ASTN2: variants seen among roughly 807,000 people sequenced by gnomAD.
ASTN2 encodes astrotactin 2.
A neutral mutation model predicts 139.8 loss-of-function variants in ASTN2; 54 were observed. The observed-to-expected ratio is 0.39, with a 90% CI of 0.31 to 0.48. The LOEUF (loss-of-function observed/expected upper bound fraction) is 0.48, where lower values mean the gene tolerates loss of function less well. ASTN2 is among the 20% of genes least tolerant of loss of function. The pLI is 0.95. For synonymous variants in ASTN2, 756 were observed against 719.5 expected, an observed-to-expected ratio of 1.05 and a Z score of -0.81; for missense variants, 1,565 against 1,725.1, an observed-to-expected ratio of 0.91 and a Z score of 1.64.
intron 19 of ASTN2, among the ~76,000 whole-genome samples, chr9:116,529,532 T>C (rs538743874): frequency 1.1e-4 from 16 of 152,214 alleles, no homozygotes; most frequent in East Asian, 3.9e-4. Context: ...TGCTGGAATG[T>C]TGTGAAGGCA....
intron 3 of ASTN2, among the ~76,000 whole-genome samples, chr9:117,172,101 GT>G (rs1381138561): frequency 4.6e-5 from 7 of 152,108 alleles, no homozygotes; most frequent in African/African-American, 1.7e-4. Context: ...CCAGAGTACT[GT>G]TTACTTTTTA....
rs145124342 is a variant in ASTN2, at chr9:116,599,491, A to T, written c.3355+18833T>A. On this transcript the variant is annotated intron_variant, in intron 19 of 22. Coordinates refer to ENST00000313400, the MANE Select transcript of ASTN2 (RefSeq NM_001365068.1). ...TCTTACAGACAACATATATCATTTCATCTGTTGCTCACAACAATTCTGAGA... is the reference window on the plus strand; with the variant it reads ...TCTTACAGACAACATATATCATTTCTTCTGTTGCTCACAACAATTCTGAGA... 9.8e-5 allele frequency among the ~76,000 whole-genome samples: 15 copies of T among 152,358 alleles called. No homozygotes were observed. The East Asian group carries it at 2.7e-3, about 27-fold the overall frequency.
At chr9:116,523,500 T>C (rs1253277324) in intron 19 of ASTN2, among the ~76,000 whole-genome samples, 1 of 152,152 alleles carries the variant, frequency 6.6e-6, no homozygotes, top group Non-Finnish European at 1.5e-5. Flanking sequence ...TTACTAAACA[T>C]CTCTGAGCTT....
At chr9:117,251,878 C>A (rs77043004) in intron 2 of ASTN2, among the ~76,000 whole-genome samples, 1 of 152,122 alleles carries the variant, frequency 6.6e-6, no homozygotes, top group Non-Finnish European at 1.5e-5. Flanking sequence ...AGCCTGAAGC[C>A]TCAGGCAGAC....
chr9:116,544,082 G>A (rs1851990440), intron 19 of ASTN2, among the ~76,000 whole-genome samples: 1 of 152,188 alleles, frequency 6.6e-6, no homozygotes, highest in Non-Finnish European at 1.5e-5. Context: ...GGAATCGACT[G>A]CCAAAACGAC....
At chr9:116,456,808 T>C (rs1200795737) in intron 20 of ASTN2, among the ~76,000 whole-genome samples, 2 of 152,138 alleles carry the variant, frequency 1.3e-5, no homozygotes, top group Non-Finnish European at 2.9e-5. Context: ...GGTGGGGACA[T>C]GGCCAAACCA....
intron 19 of ASTN2, among the ~76,000 whole-genome samples, chr9:116,589,727 A>G (rs1205158644): frequency 6.6e-6 from 1 of 152,172 alleles, no homozygotes; most frequent in East Asian, 1.9e-4. Context: ...CTTTAGTTTT[A>G]TGTTTCATTC....
intron 12 of ASTN2, among the ~76,000 whole-genome samples, chr9:116,808,701 G>T (rs1685489969): frequency 6.6e-6 from 1 of 152,056 alleles, no homozygotes; most frequent in South Asian, 2.1e-4. Flanking sequence ...GAAATTGCTT[G>T]GTTAATGTTT....
chr9:116,795,708 C>A (rs537062777), intron 13 of ASTN2, among the ~76,000 whole-genome samples: 2 of 152,214 alleles, frequency 1.3e-5, no homozygotes, highest in South Asian at 2.1e-4. Flanking sequence ...TGAAAAAAAA[C>A]CCATCTTCAT....
intron 1 of ASTN2, among the ~76,000 whole-genome samples, chr9:117,335,955 G>A (rs1050193736): frequency 1.3e-5 from 2 of 150,864 alleles, no homozygotes; most frequent in African/African-American, 4.9e-5. Flanking sequence ...CACACATTTA[G>A]CAATGCTCAT....
chr9:116,965,246 G>A (rs1279195638), intron 10 of ASTN2, among the ~76,000 whole-genome samples: 1 of 152,190 alleles, frequency 6.6e-6, no homozygotes, highest in Non-Finnish European at 1.5e-5. Flanking sequence ...AGTCCAACCT[G>A]TTAGATGAAT....
intron 6 of ASTN2, among the ~76,000 whole-genome samples, chr9:117,017,585 T>C (rs1483717123): frequency 6.6e-6 from 1 of 152,214 alleles, no homozygotes; most frequent in East Asian, 1.9e-4. Context: ...TCTTAATCTG[T>C]ACCATGTGAA....
chr9:117,390,196 T>C (rs1335298198), intron 1 of ASTN2, among the ~76,000 whole-genome samples: 1 of 152,176 alleles, frequency 6.6e-6, no homozygotes, highest in Non-Finnish European at 1.5e-5. Flanking sequence ...TAATAGACTT[T>C]ATTAGTTTTA....
intron 3 of ASTN2, among the ~76,000 whole-genome samples, chr9:117,149,634 C>A (rs534612706): frequency 3.9e-5 from 6 of 152,034 alleles, no homozygotes; most frequent in East Asian, 1.9e-4. Flanking sequence ...GCAAAAAAAA[C>A]CATCCAATTT....
intron 19 of ASTN2, among the ~76,000 whole-genome samples, chr9:116,551,708 T>C (rs1010376842): frequency 6.6e-6 from 1 of 152,168 alleles, no homozygotes; most frequent in Non-Finnish European, 1.5e-5. Flanking sequence ...TCATAACCCA[T>C]GGATCCCACC....
At position 116,699,391 on chromosome 9, in the gene ASTN2, T is replaced by G; in HGVS notation, c.2806+26380A>C. 1 of 1,614,162 alleles carries G rather than the reference T, an allele frequency of 6.2e-7. No individual in the cohort carries two copies. Among genetic ancestry groups the G allele is most frequent in the Non-Finnish European group, 8.5e-7 (1 of 1,180,038 alleles). On this transcript the variant is annotated intron_variant, in intron 16 of 22. Coordinates refer to ENST00000313400, the MANE Select transcript of ASTN2 (RefSeq NM_001365068.1). The surrounding 1 kb of genome is among the most constrained non-coding windows in gnomAD (Gnocchi z 4.2). ...AATGAGCACCACCTGGAGGGTGGCT[T>G]TTCCATTGGCTCTGTAGGCCCTGAT...
intron 13 of ASTN2, among the ~76,000 whole-genome samples, chr9:116,795,839 A>G (rs1830675225): frequency 6.6e-6 from 1 of 152,218 alleles, no homozygotes; most frequent in Admixed American, 6.5e-5. Flanking sequence ...AATCCTTGCC[A>G]AAGCTCTTCA....
At chr9:116,760,636 T>G (rs2132167607) in intron 13 of ASTN2, among the ~76,000 whole-genome samples, 1 of 152,156 alleles carries the variant, frequency 6.6e-6, no homozygotes. Context: ...TGCTGTTGGT[T>G]CCTTTTTTTC....
At chr9:116,572,534 A>T (rs1853562694) in intron 19 of ASTN2, among the ~76,000 whole-genome samples, 1 of 150,564 alleles carries the variant, frequency 6.6e-6, no homozygotes, top group Admixed American at 6.6e-5. Flanking sequence ...AAGTGCACTG[A>T]GATACTGAGT....
Sources: gnomAD v4.1 joint callset for allele counts (sites outside exome capture counted in the v4.1 genomes callset) on GRCh38, gnomAD v4.1.1 for gene constraint, Gnocchi (gnomAD v3.1) non-coding constraint, MANE v1.5 for transcripts, NCBI Gene and HGNC (gene_info 2026-07-23, HGNC 2026-07-21) for gene names.